The following NXNL2 variants were observed in gnomAD, a reference collection of about 807,000 sequenced individuals.
The protein encoded by NXNL2 is nucleoredoxin like 2.
A neutral mutation model predicts 11.1 loss-of-function variants in NXNL2; 7 were observed. That is an observed-to-expected ratio of 0.63 (90% CI 0.36 to 1.18). The LOEUF (loss-of-function observed/expected upper bound fraction) is 1.18, where lower values mean the gene tolerates loss of function less well. Ranked by LOEUF, NXNL2 falls within the 50% of genes most tolerant of loss-of-function variation. NXNL2 has a pLI of 0.02. For synonymous variants in NXNL2, 109 were observed against 101.8 expected (o/e 1.07, Z -0.42); for missense variants, 233 against 217.7 (o/e 1.07, Z -0.44).
intron 1 of NXNL2, among the ~76,000 whole-genome samples, chr9:88,562,248 A>T (rs1275001933): frequency 6.6e-6 from 1 of 152,146 alleles, no homozygotes; most frequent in Non-Finnish European, 1.5e-5. Context: ...GTGTTTGTTA[A>T]AAGTCAGATA....
chr9:88,574,791 C>A (rs1830324454), intron 2 of NXNL2, among the ~76,000 whole-genome samples: 1 of 152,078 alleles, frequency 6.6e-6, no homozygotes, highest in Non-Finnish European at 1.5e-5. Flanking sequence ...GTTTTCCAGA[C>A]TCGAATGGAT....
At position 88,544,714 on chromosome 9, in the gene NXNL2, A is replaced by T; in HGVS notation, c.*167A>T. 1 of 1,398,060 alleles carries T rather than the reference A, an allele frequency of 7.2e-7. No individual in the cohort carries two copies. The highest frequency in any genetic ancestry group is 9.3e-7 in the Non-Finnish European group (1 of 1,079,936). The allele number at this position is 1,398,060 out of a possible 1,614,324, so 86.6% of individuals were successfully genotyped here. ...AAGCAACTATTGCTCAGGAAATAAT[A>T]CACTCCATATTTTGATCATGCAGGC... On this transcript the variant is annotated 3_prime_UTR_variant, in exon 2 of 2. Transcript: ENST00000375854.
At chr9:88,573,688 G>A (rs1830307610) in intron 2 of NXNL2, among the ~76,000 whole-genome samples, 1 of 152,164 alleles carries the variant, frequency 6.6e-6, no homozygotes, top group Non-Finnish European at 1.5e-5. Flanking sequence ...GGTTTTTAGT[G>A]GGTATGAAAA....
intron 1 of NXNL2, among the ~76,000 whole-genome samples, chr9:88,567,286 C>T (rs1207321294): frequency 6.6e-6 from 1 of 152,070 alleles, no homozygotes; most frequent in Admixed American, 6.6e-5. Flanking sequence ...TTACAGGTGC[C>T]TGCCACCATC....
In NXNL2 at chr9:88,535,503, G is replaced by T; in HGVS notation, c.69G>T (p.Ala23=). 1 of 1,609,982 alleles carries T rather than the reference G, an allele frequency of 6.2e-7. No homozygotes were observed. Among genetic ancestry groups the T allele is most frequent in the Non-Finnish European group, 8.5e-7 (1 of 1,179,030 alleles). ...CKGATVEAEA[A]LQNKVVALYF... ...GCGCGACGGTGGAGGCCGAGGCGGC[G>T]CTGCAGAACAAGGTGGTGGCACTGT... The change falls in exon 1 of 2, where the codon GCG becomes GCT. Residue 23 remains alanine (A), a synonymous_variant. Coordinates refer to ENST00000375854, the MANE Select transcript of NXNL2 (RefSeq NM_001161625.2).
intron 1 of NXNL2, among the ~76,000 whole-genome samples, chr9:88,557,467 G>A (rs1026678226): frequency 2.7e-4 from 41 of 152,162 alleles, no homozygotes; most frequent in African/African-American, 9.4e-4. Flanking sequence ...TAAGGTAAAC[G>A]TGAATTAAGC....
intron 1 of NXNL2, among the ~76,000 whole-genome samples, chr9:88,541,718 T>A (rs1021035036): frequency 1.3e-5 from 2 of 152,232 alleles, no homozygotes; most frequent in African/African-American, 4.8e-5. Context: ...GTTTGTGCCA[T>A]CCTTATTTTT....
chr9:88,557,625 T>G (rs1439851552), intron 1 of NXNL2, among the ~76,000 whole-genome samples: 2 of 152,208 alleles, frequency 1.3e-5, no homozygotes, highest in African/African-American at 4.8e-5. Context: ...AATAGTCTAA[T>G]TTCTGAACAA....
At chr9:88,565,818 T>C (rs955411065) in intron 1 of NXNL2, among the ~76,000 whole-genome samples, 9 of 152,236 alleles carry the variant, frequency 5.9e-5, no homozygotes, top group Non-Finnish European at 1.2e-4. Flanking sequence ...ATTACAGGCA[T>C]GAGCCACCGT....
At position 88,544,839 on chromosome 9, in the gene NXNL2, A is replaced by G. The variant is rs41286037; in HGVS notation, c.*292A>G. 1,334 of 1,084,088 alleles carry G rather than the reference A, an allele frequency of 1.2e-3. 1 individual carries two copies. Among genetic ancestry groups the G allele is most frequent in the Admixed American group, 2.3e-3 (49 of 21,022 alleles). 67.2% of individuals were successfully genotyped at this position (1,084,088 alleles called of 1,614,324 possible). A position where few individuals can be genotyped will look rare whatever the true frequency, so the allele number is the denominator to read the frequency against. On this transcript the variant is annotated 3_prime_UTR_variant, in exon 2 of 2. Transcript: ENST00000375854. ...GTTCATACTGAGCTGTTGGAAATCT[A>G]TGCAAGACATTTATTTGTACAAGTC...
intron 2 of NXNL2, among the ~76,000 whole-genome samples, chr9:88,573,375 C>T (rs1830302574): frequency 6.6e-6 from 1 of 152,152 alleles, no homozygotes; most frequent in Non-Finnish European, 1.5e-5. Flanking sequence ...AACTCCTGGG[C>T]TCAAGTGATC....
intron 1 of NXNL2, among the ~76,000 whole-genome samples, chr9:88,541,643 G>T (rs1217543610): frequency 2.0e-5 from 3 of 152,088 alleles, no homozygotes; most frequent in Non-Finnish European, 4.4e-5. Context: ...GTTTTTGTTG[G>T]TTCATTTCCT....
Position 88,540,681 on chromosome 9 carries a change from C to T in NXNL2, c.303-3698C>T, listed in dbSNP as rs373535024. 1.9e-4 allele frequency among the ~76,000 whole-genome samples: 28 copies of T among 144,680 alleles called. No homozygotes were observed. In the East Asian group the frequency reaches 7.5e-3, roughly 39 times the overall value. 94.9% of individuals were successfully genotyped at this position (144,680 alleles called of 152,430 possible). A position where few individuals can be genotyped will look rare whatever the true frequency, so the allele number is the denominator to read the frequency against. On this transcript the variant is annotated intron_variant, in intron 1 of 1. Transcript: ENST00000375854. The stretch of plus-strand genomic sequence containing the variant: ...ACATTTTTATTTTTTCCCACTTTTC[C>T]TTTCCCTCCCCAGGTGAGTCATTGG...
chr9:88,556,375 C>A (rs1041734688), intron 1 of NXNL2, among the ~76,000 whole-genome samples: 1 of 152,052 alleles, frequency 6.6e-6, no homozygotes. Flanking sequence ...CATGGACAAG[C>A]GGAGAGTCAG....
At chr9:88,570,063 G>A (rs1830237925) in intron 1 of NXNL2, among the ~76,000 whole-genome samples, 1 of 150,904 alleles carries the variant, frequency 6.6e-6, no homozygotes, top group Admixed American at 6.6e-5. Flanking sequence ...GTTTTTCATA[G>A]GGTGTCACTC....
At chr9:88,562,744 T>G (rs1377657784) in intron 1 of NXNL2, among the ~76,000 whole-genome samples, 1 of 145,762 alleles carries the variant, frequency 6.9e-6, no homozygotes, top group Non-Finnish European at 1.5e-5. Context: ...AGGGCAAGAC[T>G]CTGTCTCAAA....
intron 1 of NXNL2, among the ~76,000 whole-genome samples, chr9:88,561,970 G>A (rs968150678): frequency 6.6e-6 from 1 of 152,194 alleles, no homozygotes. Flanking sequence ...CGGATCCTAT[G>A]TTACCCAAAG....
At chr9:88,572,593 C>T (rs985515632) in intron 2 of NXNL2, among the ~76,000 whole-genome samples, 16 of 152,174 alleles carry the variant, frequency 1.1e-4, no homozygotes, top group Non-Finnish European at 1.9e-4. Context: ...AAGCTCCTGC[C>T]GACCCCGGCA....
At chr9:88,578,713 C>T (rs978959964), downstream of NXNL2, among the ~76,000 whole-genome samples, 7 of 152,230 alleles carry the variant, frequency 4.6e-5, no homozygotes, top group Non-Finnish European at 1.0e-4. Flanking sequence ...GAAGGCTGGG[C>T]GCTCAGCCCC....
Sources: gnomAD v4.1 joint callset for allele counts (sites outside exome capture counted in the v4.1 genomes callset) on GRCh38, gnomAD v4.1.1 for gene constraint, MANE v1.5 for transcripts, NCBI Gene and HGNC (gene_info 2026-07-23, HGNC 2026-07-21) for gene names.